FRMD4A: variants seen among roughly 807,000 people sequenced by gnomAD.
FRMD4A encodes the protein FERM domain-containing protein 4A.
FRMD4A carries 29 observed loss-of-function variants against 129.1 expected under a neutral mutation model. That is an observed-to-expected ratio of 0.22 (90% CI 0.17 to 0.31). FRMD4A has a LOEUF of 0.31. FRMD4A is among the 10% of genes least tolerant of loss of function. The probability of loss-of-function intolerance (pLI) is 1.00; values close to 1 mark genes in which losing one functional copy is unlikely to be tolerated. For synonymous variants in FRMD4A, 634 were observed against 571.6 expected (o/e 1.11, Z -1.56); for missense variants, 1,272 against 1,375.8 (o/e 0.92, Z 1.19).
intron 2 of FRMD4A, among the ~76,000 whole-genome samples, chr10:14,051,242 AC>A (rs1834246588): frequency 6.6e-6 from 1 of 152,144 alleles, no homozygotes; most frequent in Admixed American, 6.5e-5. Flanking sequence ...GCCTCTCCTT[AC>A]CGAGTATCAC....
intron 2 of FRMD4A, among the ~76,000 whole-genome samples, chr10:13,953,523 C>T (rs1171094632): frequency 2.0e-5 from 3 of 152,152 alleles, no homozygotes; most frequent in East Asian, 1.9e-4. Flanking sequence ...CACTCCATCC[C>T]GCCTGGGACA....
At chr10:13,792,697 C>T (rs542583324) in intron 5 of FRMD4A, among the ~76,000 whole-genome samples, 4 of 152,272 alleles carry the variant, frequency 2.6e-5, no homozygotes, top group Admixed American at 2.0e-4. Flanking sequence ...AGTCTTTATC[C>T]TTTTTGGGTA....
rs998789687 is a variant in FRMD4A, at chr10:13,975,135, C to CTG, written c.46-116225_46-116224dup. On this transcript the variant is annotated intron_variant, in intron 2 of 24. Coordinates refer to ENST00000357447, the MANE Select transcript of FRMD4A (RefSeq NM_018027.5). Reference sequence around the variant, plus strand: ...GCTCTGTGAGTCTCTATGTATGTACCTGTGTGTGTGTGTCTACTGTGTGTC... The same window carrying CTG: ...GCTCTGTGAGTCTCTATGTATGTACCTGTGTGTGTGTGTGTCTACTGTGTGTC... Among the ~76,000 whole-genome samples, 107 of 149,286 alleles carry CTG rather than the reference C, an allele frequency of 7.2e-4. 1 individual carries two copies. The highest frequency in any genetic ancestry group is 1.9e-4 in the Non-Finnish European group (13 of 67,204).
chr10:13,703,753 A>C (rs2087107490), intron 13 of FRMD4A, among the ~76,000 whole-genome samples: 1 of 152,212 alleles, frequency 6.6e-6, no homozygotes, highest in Non-Finnish European at 1.5e-5. Flanking sequence ...AATGATACCA[A>C]CATAAAAATA....
chr10:13,917,331 G>A (rs913811991), intron 2 of FRMD4A, among the ~76,000 whole-genome samples: 2 of 142,114 alleles, frequency 1.4e-5, no homozygotes, highest in South Asian at 2.2e-4. Context: ...CGCCCAGTCT[G>A]GAGTACAGTG....
chr10:14,037,904 T>C (rs1833576384), intron 2 of FRMD4A, among the ~76,000 whole-genome samples: 1 of 152,244 alleles, frequency 6.6e-6, no homozygotes, highest in African/African-American at 2.4e-5. Context: ...AATTCCCTTT[T>C]TTAAACCAAG....
At chr10:14,026,181 T>G (rs771116431) in intron 2 of FRMD4A, among the ~76,000 whole-genome samples, 5 of 152,098 alleles carry the variant, frequency 3.3e-5, no homozygotes, top group Admixed American at 6.5e-5. Flanking sequence ...ACATTTCTGC[T>G]TTACAGTAAA....
At chr10:13,723,832 T>C (rs2089667222) in intron 12 of FRMD4A, among the ~76,000 whole-genome samples, 1 of 152,186 alleles carries the variant, frequency 6.6e-6, no homozygotes, top group Non-Finnish European at 1.5e-5. Flanking sequence ...GAGAGCTTAA[T>C]AGGTATCCCC....
chr10:13,807,049 C>T (rs1424558993), intron 4 of FRMD4A, among the ~76,000 whole-genome samples: 3 of 152,202 alleles, frequency 2.0e-5, no homozygotes, highest in Admixed American at 2.0e-4. Context: ...CCTCATGATC[C>T]GCCCACCTCG....
At chr10:13,725,463 C>T (rs2089821784) in intron 12 of FRMD4A, among the ~76,000 whole-genome samples, 1 of 152,232 alleles carries the variant, frequency 6.6e-6, no homozygotes, top group Non-Finnish European at 1.5e-5. Context: ...TTCCTCCCCT[C>T]CTGTGACTTT....
rs981427206 is a variant in FRMD4A at position 13,781,752 on chromosome 10, A to T, written c.384+1170T>A. Among the ~76,000 whole-genome samples, 5 of 152,284 alleles carry T rather than the reference A, an allele frequency of 3.3e-5. No individual in the cohort carries two copies. In the East Asian group the frequency reaches 9.6e-4, roughly 29 times the overall value. ...CAAAAGGACAAATATATATGATTCC[A>T]CTTATATGAAGTACTAGAGTGGTTA... On this transcript the variant is annotated intron_variant, in intron 6 of 24. Transcript: ENST00000357447.
intron 22 of FRMD4A, chr10:13,654,716 T>C (rs2081990561): frequency 8.7e-6 from 5 of 575,392 alleles, no homozygotes; most frequent in African/African-American, 5.7e-5. Flanking sequence ...CCCCAACCTC[T>C]GCATCCCACC....
intron 2 of FRMD4A, among the ~76,000 whole-genome samples, chr10:14,093,229 C>A (rs1253031116): frequency 6.6e-6 from 1 of 152,126 alleles, no homozygotes; most frequent in African/African-American, 2.4e-5. Context: ...TTGTTTTCTT[C>A]CCCTCTGAAC....
intron 2 of FRMD4A, among the ~76,000 whole-genome samples, chr10:13,859,792 C>T (rs1403418253): frequency 2.6e-5 from 4 of 152,248 alleles, no homozygotes; most frequent in Admixed American, 2.0e-4. Flanking sequence ...AAAGCACTGG[C>T]GATATGAACC....
At chr10:14,325,138 G>T (rs998773247) in intron 2 of FRMD4A, among the ~76,000 whole-genome samples, 1 of 152,204 alleles carries the variant, frequency 6.6e-6, no homozygotes, top group Non-Finnish European at 1.5e-5. Context: ...GATTATTAAT[G>T]TAAGAGCAAG....
At chr10:14,215,663 A>T (rs1843052068) in intron 2 of FRMD4A, among the ~76,000 whole-genome samples, 1 of 151,998 alleles carries the variant, frequency 6.6e-6, no homozygotes, top group African/African-American at 2.4e-5. Context: ...TGTTTCTCCC[A>T]CTCATTCTGA....
chr10:14,329,361 T>C (rs1287359503), intron 2 of FRMD4A, among the ~76,000 whole-genome samples: 1 of 152,164 alleles, frequency 6.6e-6, no homozygotes, highest in Non-Finnish European at 1.5e-5. Flanking sequence ...CAAAAGCCAA[T>C]TGGGTTGGAA....
chr10:13,703,106 T>A (rs776611683), intron 13 of FRMD4A, among the ~76,000 whole-genome samples: 1 of 151,838 alleles, frequency 6.6e-6, no homozygotes, highest in Admixed American at 6.6e-5. Flanking sequence ...GACTTTTTTT[T>A]CCCCCCAGAA....
chr10:13,853,996 T>C (rs1239264072), intron 3 of FRMD4A, among the ~76,000 whole-genome samples: 1 of 152,042 alleles, frequency 6.6e-6, no homozygotes, highest in Non-Finnish European at 1.5e-5. Context: ...AGACAGGATA[T>C]CTACAGTCTC....
Sources: allele counts gnomAD v4.1 joint callset (sites outside exome capture counted in the v4.1 genomes callset), GRCh38; gene constraint gnomAD v4.1.1; transcripts MANE v1.5; gene names NCBI Gene and HGNC (gene_info 2026-07-23, HGNC 2026-07-21).